Variants in NEMF observed in about 807,000 individuals in gnomAD.
The protein encoded by NEMF is ribosome quality control complex subunit NEMF.
Under a neutral mutation model 162.2 loss-of-function variants are expected in NEMF, and 89 were observed. The observed-to-expected ratio is 0.55, with a 90% CI of 0.46 to 0.65. The LOEUF is 0.65. Among genes scored for constraint, NEMF ranks in the 30% least tolerant of loss-of-function variants. NEMF has a pLI of 0.00. For synonymous variants in NEMF, 421 were observed against 404.5 expected, an observed-to-expected ratio of 1.04 and a Z score of -0.49; for missense variants, 1,133 against 1,261.9, an observed-to-expected ratio of 0.90 and a Z score of 1.55.
intron 29 of NEMF, chr14:49,785,533 A>C (rs568134260): frequency 2.3e-5 from 11 of 481,870 alleles, no homozygotes; most frequent in African/African-American, 3.9e-5. Context: ...ATTTTTGCCT[A>C]GCATAATAAG....
At chr14:49,785,375 A>G (rs1271319202) in intron 29 of NEMF, 55 bp from the exon 30 acceptor site, 1 of 1,165,574 alleles carries the variant, frequency 8.6e-7, no homozygotes, top group Non-Finnish European at 1.3e-6. Flanking sequence ...TTTACAAAAA[A>G]TGCTAAAACA....
At chr14:49,787,992 T>C (rs559210963) in intron 28 of NEMF, among the ~76,000 whole-genome samples, 3 of 152,150 alleles carry the variant, frequency 2.0e-5, no homozygotes, top group Admixed American at 1.3e-4. Flanking sequence ...TATTAAAAAA[T>C]AAACAGGCTG....
chr14:49,790,076 C>T (rs1890369238), intron 26 of NEMF, among the ~76,000 whole-genome samples: 1 of 152,054 alleles, frequency 6.6e-6, no homozygotes, highest in Non-Finnish European at 1.5e-5. Flanking sequence ...CATCTAGGCC[C>T]CACCCTAGAG....
chr14:49,828,146 A>G (rs1226847371), intron 15 of NEMF, 145 bp downstream of exon 15: 1 of 678,106 alleles, frequency 1.5e-6, no homozygotes, highest in Non-Finnish European at 2.6e-6. Context: ...GGGAAAAAAT[A>G]CTGGAAATAC....
chr14:49,845,861 T>C (rs1314003232), intron 4 of NEMF: 3 of 479,850 alleles, frequency 6.3e-6, no homozygotes, highest in South Asian at 7.9e-5. Context: ...TGCATATTAG[T>C]CCTGAAATGT....
chr14:49,820,245 T>G, intron 16 of NEMF: 1 of 344,644 alleles, frequency 2.9e-6, no homozygotes, highest in South Asian at 2.2e-5. Context: ...CCACTGTGGC[T>G]GGCCCCCATT....
chr14:49,819,737 T>C (rs531053366), intron 16 of NEMF, among the ~76,000 whole-genome samples: 50 of 152,016 alleles, frequency 3.3e-4, no homozygotes, highest in Middle Eastern at 3.4e-3. Flanking sequence ...TATAGAAACA[T>C]TGTGAAAAGG....
intron 14 of NEMF, 39 bp from the exon 15 acceptor site, chr14:49,828,393 T>C: frequency 7.6e-7 from 1 of 1,321,910 alleles, no homozygotes; most frequent in African/African-American, 1.5e-5. Flanking sequence ...AAGTATAATA[T>C]TTATTCTTCA....
At chr14:49,840,576 A>G in intron 5 of NEMF, 142 bp downstream of exon 5, 1 of 700,836 alleles carries the variant, frequency 1.4e-6, no homozygotes, top group Non-Finnish European at 2.3e-6. Flanking sequence ...TTATCTAAGT[A>G]AAACAAAATA....
chr14:49,795,759 C>A (rs781286630), intron 26 of NEMF, 32 bp downstream of exon 26: 6 of 1,572,578 alleles, frequency 3.8e-6, no homozygotes, highest in Admixed American at 2.1e-5. Flanking sequence ...CACAAATTAA[C>A]TGTGAACCAT....
At chr14:49,849,277 G>T (rs1424379320) in intron 3 of NEMF, among the ~76,000 whole-genome samples, 1 of 152,174 alleles carries the variant, frequency 6.6e-6, no homozygotes, top group Non-Finnish European at 1.5e-5. Flanking sequence ...TGAAAGGACA[G>T]AAGTTCACAC....
chr14:49,841,155 C>T (rs1263555943), intron 4 of NEMF, among the ~76,000 whole-genome samples: 4 of 131,828 alleles, frequency 3.0e-5, no homozygotes, highest in African/African-American at 1.2e-4. Context: ...TGAGATCGCA[C>T]CACTGCATTC....
rs538561924 is a variant in NEMF at position 49,796,360 on chromosome 14, G to A, written c.2466-416C>T. The A allele has an allele frequency of 8.9e-6, 4 of 449,484 alleles. No homozygotes were observed. The East Asian group carries it at 2.8e-4, about 32-fold the overall frequency. 27.8% of individuals were successfully genotyped at this position (449,484 alleles called of 1,614,324 possible). Reference sequence around the variant, plus strand: ...GGATTAAAAATACACAGGTTAAGAAGGAAGGGTAAATTTTATTACTGTGGT... The same window carrying A: ...GGATTAAAAATACACAGGTTAAGAAAGAAGGGTAAATTTTATTACTGTGGT... On this transcript the variant is annotated intron_variant, in intron 25 of 32. Coordinates refer to ENST00000298310, the MANE Select transcript of NEMF (RefSeq NM_004713.6).
chr14:49,785,285 A>G lies in NEMF; in HGVS notation c.2964T>C (p.His988=), dbSNP rs1361648909. 6.2e-7 allele frequency: 1 copy of G among 1,613,934 alleles called. No individual in the cohort carries two copies. The part of the protein sequence containing the change: ...NLFDSLTGQP[H]PEDVLLFAIP... ...TGGCAAACAGTAGTACATCTTCAGG[A>G]TGTGGCTGGCCTGTCAAAGAATCAA... is the stretch of plus-strand genomic sequence containing the variant. The change falls in exon 30 of 33, where the codon CAT becomes CAC. Residue 988 remains histidine (H), a synonymous_variant. Transcript: ENST00000298310.
intron 26 of NEMF, among the ~76,000 whole-genome samples, chr14:49,792,644 T>C (rs1890506671): frequency 6.6e-6 from 1 of 152,206 alleles, no homozygotes; most frequent in Admixed American, 6.5e-5. Context: ...AGCCAATTAA[T>C]ATATTTTTCT....
intron 29 of NEMF, 198 bp downstream of exon 29, chr14:49,786,520 G>T: frequency 1.7e-6 from 1 of 578,474 alleles, no homozygotes; most frequent in Non-Finnish European, 3.1e-6. Context: ...CTTCAGATGA[G>T]GAAACTGAGG....
chr14:49,842,102 T>A, intron 4 of NEMF, among the ~76,000 whole-genome samples: 1 of 144,490 alleles, frequency 6.9e-6, no homozygotes, highest in African/African-American at 2.6e-5. Flanking sequence ...CGAAACTCCG[T>A]CTCAAAAAAA....
rs1242247131 is a variant in NEMF, at chr14:49,805,485, A to C, written c.1857+536T>G. ...CGAGACCAGCTTGGCCAACATGGTG[A>C]AACCTCATCTCTATAAAGAAAAAAA... On this transcript the variant is annotated intron_variant, in intron 19 of 32. Transcript: ENST00000298310. Among the ~76,000 whole-genome samples the C allele has an allele frequency of 3.7e-5, 5 of 133,990 alleles. No homozygotes were observed. In the East Asian group the frequency reaches 1.1e-3, roughly 30 times the overall value. 87.9% of individuals were successfully genotyped at this position (133,990 alleles called of 152,430 possible). A position where few individuals can be genotyped will look rare whatever the true frequency, so the allele number is the denominator to read the frequency against.
At chr14:49,803,666 C>T (rs1891055554) in intron 19 of NEMF, among the ~76,000 whole-genome samples, 1 of 152,050 alleles carries the variant, frequency 6.6e-6, no homozygotes, top group Admixed American at 6.6e-5. Flanking sequence ...GCTGGGACTA[C>T]AGGCACGCAC....
Sources: gnomAD v4.1 joint callset for allele counts (sites outside exome capture counted in the v4.1 genomes callset) on GRCh38, gnomAD v4.1.1 for gene constraint, MANE v1.5 for transcripts, NCBI Gene and HGNC (gene_info 2026-07-23, HGNC 2026-07-21) for gene names.